The following COL27A1 variants were observed in gnomAD, a reference collection of about 807,000 sequenced individuals.
COL27A1 encodes collagen alpha-1(XXVII) chain.
A neutral mutation model predicts 251.3 loss-of-function variants in COL27A1; 106 were observed. The observed-to-expected ratio is 0.42, with a 90% CI of 0.36 to 0.50. The LOEUF is 0.50. Ranked by LOEUF, COL27A1 falls within the 20% of genes least tolerant of loss-of-function variation. COL27A1 has a pLI of 0.00. For missense variants in COL27A1, 2,325 were observed against 2,522.8 expected (o/e 0.92, Z 1.68); for synonymous variants, 1,000 against 986.3 (o/e 1.01, Z -0.26).
At chr9:114,220,422 C>G (rs749113967) in intron 13 of COL27A1, among the ~76,000 whole-genome samples, 63 of 152,352 alleles carry the variant, frequency 4.1e-4, no homozygotes, top group Non-Finnish European at 7.1e-4. Flanking sequence ...CCCCATCTCC[C>G]CCTGGGGCTT....
chr9:114,281,748 A>G (rs1305510611), intron 37 of COL27A1, among the ~76,000 whole-genome samples: 1 of 152,166 alleles, frequency 6.6e-6, no homozygotes, highest in Non-Finnish European at 1.5e-5. Context: ...TGGAGCCAGA[A>G]CAGCTGGGAT....
At chr9:114,209,150 A>T (rs1158951048) in intron 10 of COL27A1, among the ~76,000 whole-genome samples, 2 of 152,134 alleles carry the variant, frequency 1.3e-5, no homozygotes, top group Admixed American at 6.5e-5. Context: ...TGAGAGTCTA[A>T]TGTGGTAGCA....
chr9:114,229,210 G>A (rs944530859), intron 14 of COL27A1, among the ~76,000 whole-genome samples: 1 of 152,224 alleles, frequency 6.6e-6, no homozygotes, highest in Admixed American at 6.5e-5. Flanking sequence ...GTCCAGAAAG[G>A]GGAAGCATTT....
At chr9:114,154,569 T>C (rs1848020939), upstream of COL27A1, among the ~76,000 whole-genome samples, 2 of 151,980 alleles carry the variant, frequency 1.3e-5, no homozygotes, top group Non-Finnish European at 2.9e-5. This position sits in a 1 kb window ranked among gnomAD's most constrained non-coding sequence, Gnocchi z 5.8. Context: ...TGTGTACATG[T>C]GTGGGGGCGA....
intron 59 of COL27A1, 51 bp from the exon 60 acceptor site, chr9:114,309,208 TG>T: frequency 4.1e-6 from 6 of 1,450,910 alleles, no homozygotes; most frequent in South Asian, 1.1e-5. Flanking sequence ...ACCCTCGGTG[TG>T]GGGGGTGTGG....
chr9:114,169,597 G>C (rs892528866), intron 3 of COL27A1, 134 bp downstream of exon 3: 15 of 630,002 alleles, frequency 2.4e-5, no homozygotes, highest in Non-Finnish European at 2.8e-5. Flanking sequence ...TACATCCTTG[G>C]CTCCAGCCAG....
At position 114,268,504 on chromosome 9, in the gene COL27A1, C is replaced by T. The variant is rs1834897600; in HGVS notation, c.3502-737C>T. Among the ~76,000 whole-genome samples the T allele has an allele frequency of 2.0e-5, 3 of 152,294 alleles. No homozygotes were observed. The South Asian group carries it at 6.2e-4, about 32-fold the overall frequency. On this transcript the variant is annotated intron_variant, in intron 34 of 60. Transcript: ENST00000356083. ...TAGGGCTTCCTCCTCGTTTGGGTTTCTCTTCAAGTCTCTCAAGGAAGAATA... is the reference window on the plus strand; with the variant it reads ...TAGGGCTTCCTCCTCGTTTGGGTTTTTCTTCAAGTCTCTCAAGGAAGAATA...
intron 27 of COL27A1, among the ~76,000 whole-genome samples, chr9:114,257,570 C>G (rs1021702337): frequency 6.6e-6 from 1 of 151,986 alleles, no homozygotes; most frequent in South Asian, 2.1e-4. Flanking sequence ...TCTCTTGCCC[C>G]TCTTGTCGTC....
At chr9:114,226,678 C>T (rs1831491759) in intron 14 of COL27A1, among the ~76,000 whole-genome samples, 1 of 152,244 alleles carries the variant, frequency 6.6e-6, no homozygotes, top group Admixed American at 6.5e-5. Context: ...ACCCGCCTGG[C>T]ATTGTTGGCC....
rs762599567 is a variant in COL27A1 at position 114,304,667 on chromosome 9, G to A, written c.4932G>A (p.Arg1644=). ...GGATGGACACCAGTGGAGCACTCAG[G>A]CCAGAGGTATCTCCAGGGGCTCTCC... ...QTWMDTSGAL[R]PESYSYPDRL... The change falls in exon 57 of 61, where the codon AGG becomes AGA. Residue 1644 remains arginine (R), a synonymous_variant. Transcript: ENST00000356083. The A allele has an allele frequency of 2.4e-5, 38 of 1,613,930 alleles. No homozygotes were observed. Among genetic ancestry groups the A allele is most frequent in the Non-Finnish European group, 3.0e-5 (35 of 1,179,942 alleles).
At chr9:114,237,584 AC>A in intron 18 of COL27A1, 77 bp from the exon 19 acceptor site, 2 of 1,221,206 alleles carry the variant, frequency 1.6e-6, no homozygotes, top group African/African-American at 3.0e-5. Context: ...ACCATCCACA[AC>A]CAGCGGGGGA....
chr9:114,210,316 T>G (rs1403218917), intron 11 of COL27A1, among the ~76,000 whole-genome samples: 1 of 152,248 alleles, frequency 6.6e-6, no homozygotes, highest in Non-Finnish European at 1.5e-5. Context: ...CCAAAGATAT[T>G]CACTATCTGC....
At position 114,180,502 on chromosome 9, in the gene COL27A1, C is replaced by T. The variant is rs539531419; in HGVS notation, c.1962+2158C>T. 2.0e-5 allele frequency among the ~76,000 whole-genome samples: 3 copies of T among 152,292 alleles called. No homozygotes were observed. In the East Asian group the frequency reaches 5.8e-4, roughly 29 times the overall value. On this transcript the variant is annotated intron_variant, in intron 4 of 60. Transcript: ENST00000356083. ...ACGCCACCCCAACTCTCCCTGCCCG[C>T]CGTCCCACCATCATCCTGTTTCTAG...
intron 14 of COL27A1, among the ~76,000 whole-genome samples, chr9:114,229,708 G>C (rs1317241245): frequency 6.6e-6 from 1 of 152,150 alleles, no homozygotes; most frequent in Non-Finnish European, 1.5e-5. Flanking sequence ...GTATTTTCAG[G>C]GTCTCCCTTT....
chr9:114,294,470 A>G (rs1188944314), intron 49 of COL27A1, among the ~76,000 whole-genome samples: 2 of 152,204 alleles, frequency 1.3e-5, no homozygotes, highest in Non-Finnish European at 2.9e-5. Flanking sequence ...GAACCTAAGA[A>G]TATATAATAA....
chr9:114,234,731 C>T (rs1832236863), intron 16 of COL27A1, among the ~76,000 whole-genome samples: 1 of 152,110 alleles, frequency 6.6e-6, no homozygotes, highest in African/African-American at 2.4e-5. Flanking sequence ...CACATAGTCT[C>T]AACAAGCCAG....
At position 114,156,066 on chromosome 9, in the gene COL27A1, G is replaced by C. The variant is rs554778529; in HGVS notation, c.62+54G>C. ...CCTAGCTTCCTGCTGCTCCAATCTC[G>C]GGGAGGGCCGGGGTTCCCCGCCATG... On this transcript the variant is annotated intron_variant, in intron 1 of 60. Coordinates refer to ENST00000356083, the MANE Select transcript of COL27A1 (RefSeq NM_032888.4). 26 of 1,293,070 alleles carry C rather than the reference G, an allele frequency of 2.0e-5. No individual in the cohort carries two copies. In the Admixed American group the frequency reaches 7.4e-4, roughly 37 times the overall value. The allele number at this position is 1,293,070 out of a possible 1,614,324, so 80.1% of individuals were successfully genotyped here.
At chr9:114,267,637 G>T in intron 34 of COL27A1, 80 bp downstream of exon 34, 1 of 1,300,524 alleles carries the variant, frequency 7.7e-7, no homozygotes, top group Non-Finnish European at 1.1e-6. Context: ...CCATGGAAGA[G>T]AAATGGGCCT....
chr9:114,216,801 G>A (rs1182378181), intron 12 of COL27A1, among the ~76,000 whole-genome samples: 3 of 152,038 alleles, frequency 2.0e-5, no homozygotes, highest in South Asian at 2.1e-4. Context: ...GTTGACTCCC[G>A]GAGGCCCTCA....
Sources: gnomAD v4.1 joint callset for allele counts (sites outside exome capture counted in the v4.1 genomes callset) on GRCh38, gnomAD v4.1.1 for gene constraint, Gnocchi (gnomAD v3.1) non-coding constraint, MANE v1.5 for transcripts, NCBI Gene and HGNC (gene_info 2026-07-23, HGNC 2026-07-21) for gene names.